The following ABI3BP variants were observed in gnomAD, a reference collection of about 807,000 sequenced individuals.
ABI3BP encodes the protein ABI family member 3 binding protein, also known as target of Nesh-SH3.
In ABI3BP, 216 loss-of-function variants were observed where a neutral mutation model predicts 268.6. The observed-to-expected ratio is 0.80, with a 90% CI of 0.72 to 0.90. The LOEUF is 0.90. Ranked by LOEUF, ABI3BP falls within the 40% of genes least tolerant of loss-of-function variation. The pLI, the probability that ABI3BP is intolerant of heterozygous loss-of-function variation, is 0.00. For synonymous variants in ABI3BP, 730 were observed against 730.0 expected (o/e 1.00, Z 0.00); for missense variants, 2,090 against 2,182.4 (o/e 0.96, Z 0.84).
At chr3:100,764,629 A>G (rs568678797) in intron 63 of ABI3BP, among the ~76,000 whole-genome samples, 297 of 152,358 alleles carry the variant, frequency 1.9e-3, no homozygotes, top group African/African-American at 6.7e-3. Context: ...CACTTTTTAT[A>G]AAGTGGAATA....
Position 100,794,931 on chromosome 3 carries a change from G to T in ABI3BP, c.3938C>A (p.Thr1313Asn). The stretch of plus-strand genomic sequence containing the variant: ...ATTAAAACGAAATTTACCCAGAGTG[G>T]TCTGTAGTTCCTCTTGACTAGGACT... ...SPSPSQEELQTTLEETDQSTQ... is the reference protein window; with the variant it reads ...SPSPSQEELQNTLEETDQSTQ... The change falls in exon 54 of 68, where the codon ACC (threonine) becomes AAC (asparagine). Residue 1313 changes from threonine (T) to asparagine (N), a missense_variant. Transcript: ENST00000471714. 1 of 1,566,746 alleles carries T rather than the reference G, an allele frequency of 6.4e-7. No individual in the cohort carries two copies. Among genetic ancestry groups the T allele is most frequent in the East Asian group, 2.3e-5 (1 of 42,588 alleles).
chr3:100,840,707 A>T, intron 22 of ABI3BP, 113 bp downstream of exon 22: 2 of 900,892 alleles, frequency 2.2e-6, no homozygotes, highest in Non-Finnish European at 3.3e-6. Flanking sequence ...GAGCACTCAC[A>T]CACACACACA....
chr3:100,792,792 C>T (rs758720067), intron 54 of ABI3BP, 24 bp from the exon 55 acceptor site: 1 of 1,596,592 alleles, frequency 6.3e-7, no homozygotes, highest in South Asian at 1.1e-5. Flanking sequence ...AGTAAGATTG[C>T]TTGTTTTAAA....
intron 2 of ABI3BP, among the ~76,000 whole-genome samples, chr3:100,915,598 A>G (rs962703412): frequency 1.3e-5 from 2 of 152,228 alleles, no homozygotes; most frequent in African/African-American, 2.4e-5. Context: ...GAGGCCAAGC[A>G]TAAGAACCCA....
chr3:100,983,058 G>A lies in ABI3BP; in HGVS notation c.79+10248C>T, dbSNP rs150039713. ...CACGTGCACAGTGGCCTCTCAGGAG[G>A]ACCCTTGGAAAACCAGAATGTTTTC... On this transcript the variant is annotated intron_variant, in intron 1 of 67. Transcript: ENST00000471714. Among the ~76,000 whole-genome samples, 504 of 152,280 alleles carry A rather than the reference G, an allele frequency of 3.3e-3. 1 individual carries two copies. Among genetic ancestry groups the A allele is most frequent in the Non-Finnish European group, 5.8e-3 (393 of 68,024 alleles).
intron 51 of ABI3BP, among the ~76,000 whole-genome samples, chr3:100,800,009 C>A (rs369542794): frequency 4.9e-4 from 74 of 152,280 alleles, no homozygotes; most frequent in African/African-American, 1.8e-3. Context: ...GCATCATTAT[C>A]TACTAGTTGG....
chr3:100,957,198 T>C (rs578006660), intron 1 of ABI3BP, among the ~76,000 whole-genome samples: 1 of 152,002 alleles, frequency 6.6e-6, no homozygotes, highest in African/African-American at 2.4e-5. Flanking sequence ...GTAAGAAAAA[T>C]AGAGAAAGCA....
At chr3:100,856,726 A>C (rs1422260375) in intron 14 of ABI3BP, among the ~76,000 whole-genome samples, 3 of 152,200 alleles carry the variant, frequency 2.0e-5, no homozygotes, top group African/African-American at 7.2e-5. Context: ...AGGAGGCTTA[A>C]CACTTATGGC....
chr3:100,813,106 T>G (rs941587779), intron 45 of ABI3BP, among the ~76,000 whole-genome samples: 1 of 152,160 alleles, frequency 6.6e-6, no homozygotes, highest in African/African-American at 2.4e-5. Context: ...GTCATAAAAT[T>G]CTGAGCTCAA....
chr3:100,804,662 C>T, intron 51 of ABI3BP, 130 bp downstream of exon 51: 2 of 792,500 alleles, frequency 2.5e-6, no homozygotes, highest in Non-Finnish European at 4.2e-6. Context: ...ATTATCATAC[C>T]ACATATGATA....
At chr3:100,972,339 T>A (rs1000499203) in intron 1 of ABI3BP, among the ~76,000 whole-genome samples, 14 of 152,176 alleles carry the variant, frequency 9.2e-5, no homozygotes, top group African/African-American at 3.1e-4. Flanking sequence ...ACTTTTAAGA[T>A]GTGAAAATTA....
chr3:100,889,910 C>A (rs1458400367), intron 4 of ABI3BP, among the ~76,000 whole-genome samples: 9 of 152,110 alleles, frequency 5.9e-5, no homozygotes, highest in African/African-American at 2.2e-4. Context: ...CATCTCTCCA[C>A]CCTCTTAAGC....
At chr3:100,778,207 A>G (rs2096762293) in intron 59 of ABI3BP, 77 bp downstream of exon 59, 1 of 1,403,790 alleles carries the variant, frequency 7.1e-7, no homozygotes, top group Non-Finnish European at 1.0e-6. Flanking sequence ...GCCTGTTGCT[A>G]GCACGCCAAG....
intron 1 of ABI3BP, among the ~76,000 whole-genome samples, chr3:100,946,878 AAG>A (rs1161047794): frequency 6.6e-6 from 1 of 152,276 alleles, no homozygotes; most frequent in East Asian, 1.9e-4. Context: ...TTCCAGTTTT[AAG>A]AATAGTTTAG....
chr3:100,869,013 T>C (rs1443369557), intron 9 of ABI3BP, among the ~76,000 whole-genome samples: 1 of 152,114 alleles, frequency 6.6e-6, no homozygotes, highest in Non-Finnish European at 1.5e-5. Flanking sequence ...CCTTTCACGA[T>C]CTCTTCTCTT....
At chr3:100,887,195 C>T (rs1057313636) in intron 4 of ABI3BP, among the ~76,000 whole-genome samples, 1 of 151,984 alleles carries the variant, frequency 6.6e-6, no homozygotes, top group African/African-American at 2.4e-5. Flanking sequence ...TCCTCTGGCT[C>T]TACTTTAAAC....
At chr3:100,856,296 A>T (rs1264456209) in intron 14 of ABI3BP, among the ~76,000 whole-genome samples, 1 of 152,342 alleles carries the variant, frequency 6.6e-6, no homozygotes, top group African/African-American at 2.4e-5. Flanking sequence ...AAGCCTTGAA[A>T]TGATATATAG....
intron 43 of ABI3BP, 86 bp downstream of exon 43, chr3:100,816,602 C>G (rs369031957): frequency 1.1e-5 from 12 of 1,058,494 alleles, no homozygotes; most frequent in African/African-American, 7.8e-5. Flanking sequence ...TACTTCCCGT[C>G]ATAGGCATTT....
intron 38 of ABI3BP, among the ~76,000 whole-genome samples, chr3:100,822,333 A>C (rs2098254534): frequency 6.6e-6 from 1 of 152,200 alleles, no homozygotes; most frequent in Non-Finnish European, 1.5e-5. Context: ...TTTTATTTTT[A>C]AGAGATAAAT....
Sources: gnomAD v4.1 joint callset for allele counts (sites outside exome capture counted in the v4.1 genomes callset) on GRCh38, gnomAD v4.1.1 for gene constraint, MANE v1.5 for transcripts, NCBI Gene and HGNC (gene_info 2026-07-23, HGNC 2026-07-21) for gene names.